Variants in CDH18 observed in about 807,000 individuals in gnomAD.
CDH18 encodes the protein cadherin 18.
In CDH18, 31 loss-of-function variants were observed where a neutral mutation model predicts 67.9. The ratio of observed to expected loss-of-function variants is 0.46; its 90% confidence interval spans 0.34 to 0.62. The LOEUF (loss-of-function observed/expected upper bound fraction) is 0.62. CDH18 is among the 20% of genes least tolerant of loss of function. The pLI is 0.01. For synonymous variants in CDH18, 362 were observed against 347.2 expected (o/e 1.04, Z -0.48); for missense variants, 890 against 975.5 (o/e 0.91, Z 1.17).
At chr5:19,920,703 G>A (rs1319204903) in intron 2 of CDH18, among the ~76,000 whole-genome samples, 1 of 151,348 alleles carries the variant, frequency 6.6e-6, no homozygotes, top group Non-Finnish European at 1.5e-5. Flanking sequence ...TAGTAGAGAC[G>A]GGGTTTCACC....
chr5:20,573,271 A>T (rs1758909825), intron 1 of CDH18, among the ~76,000 whole-genome samples: 1 of 152,186 alleles, frequency 6.6e-6, no homozygotes, highest in East Asian at 1.9e-4. Flanking sequence ...CAGAAAAAAA[A>T]CTTAGCATTG....
At chr5:19,907,557 A>AT in intron 2 of CDH18, among the ~76,000 whole-genome samples, 1 of 152,050 alleles carries the variant, frequency 6.6e-6, no homozygotes, top group South Asian at 2.1e-4. Flanking sequence ...GTCAGTATTC[A>AT]AACAGTTGAT....
At chr5:19,905,770 CAG>C (rs1476029317) in intron 2 of CDH18, among the ~76,000 whole-genome samples, 4 of 151,310 alleles carry the variant, frequency 2.6e-5, no homozygotes, top group African/African-American at 9.7e-5. Flanking sequence ...TTTTAAAAAT[CAG>C]AAAAAAAATC....
At position 19,960,561 on chromosome 5, in the gene CDH18, A is replaced by ATGTGTG. The variant is rs146985982; in HGVS notation, c.-257+20493_-257+20498dup. Reference sequence around the variant, plus strand: ...GTTTAATATACGTGTGTGTGTGTGTATGTGTGTGTGTGTGTGTGTGTGTGT... The same window carrying ATGTGTG: ...GTTTAATATACGTGTGTGTGTGTGTATGTGTGTGTGTGTGTGTGTGTGTGTGTGTGT... On this transcript the variant is annotated intron_variant, in intron 2 of 12. Transcript: ENST00000382275. Among the ~76,000 whole-genome samples the ATGTGTG allele has an allele frequency of 3.1e-3, 376 of 121,514 alleles. 5 individuals carry two copies. In the Middle Eastern group the frequency reaches 0.045, roughly 15 times the overall value. The allele number at this position is 121,514 out of a possible 152,430, so 79.7% of individuals were successfully genotyped here.
intron 2 of CDH18, among the ~76,000 whole-genome samples, chr5:20,172,242 A>ATATATATATATATATATGTG (rs1736889045): frequency 5.8e-4 from 33 of 56,694 alleles, no homozygotes; most frequent in Non-Finnish European, 8.7e-4. Flanking sequence ...ATATATATGT[A>ATATATATATATATATATGTG]TATATATATA....
chr5:20,174,709 T>G (rs970621806), intron 2 of CDH18, among the ~76,000 whole-genome samples: 1 of 152,120 alleles, frequency 6.6e-6, no homozygotes, highest in African/African-American at 2.4e-5. Context: ...AAAAATACAA[T>G]TTGTGTGTAA....
At chr5:20,434,440 G>T (rs940983514) in intron 1 of CDH18, among the ~76,000 whole-genome samples, 1 of 152,094 alleles carries the variant, frequency 6.6e-6, no homozygotes, top group East Asian at 1.9e-4. Context: ...ATAAGTAAAT[G>T]AAATTATGAC....
rs147693666 is a variant in CDH18, at chr5:19,711,487, C to T, written c.643+9860G>A. 4.9e-3 allele frequency among the ~76,000 whole-genome samples: 745 copies of T among 151,542 alleles called. 2 individuals carry two copies. Among genetic ancestry groups the T allele is most frequent in the Middle Eastern group, 0.017 (5 of 294 alleles). On this transcript the variant is annotated intron_variant, in intron 5 of 12. Transcript: ENST00000382275. ...CAGACATTTCTCAAAAGGAGGCATA[C>T]GAAGGGCTGCCAAGCATGTAAAAGA... is the stretch of plus-strand genomic sequence containing the variant.
At chr5:19,842,414 A>C (rs1489312143) in intron 2 of CDH18, among the ~76,000 whole-genome samples, 3 of 152,160 alleles carry the variant, frequency 2.0e-5, no homozygotes, top group Non-Finnish European at 4.4e-5. Context: ...TGACGGTTTT[A>C]TAAGGGGCTC....
At chr5:20,316,714 A>G (rs1477784543) in intron 1 of CDH18, among the ~76,000 whole-genome samples, 2 of 152,020 alleles carry the variant, frequency 1.3e-5, no homozygotes, top group Non-Finnish European at 2.9e-5. Context: ...TATGATAGTA[A>G]AGACAGTTAT....
chr5:20,214,929 T>A (rs1473610535), intron 2 of CDH18, among the ~76,000 whole-genome samples: 1 of 151,936 alleles, frequency 6.6e-6, no homozygotes, highest in African/African-American at 2.4e-5. Flanking sequence ...GAGAAAATAT[T>A]TGCAAACTAT....
At chr5:19,536,817 G>A (rs1749492495) in intron 9 of CDH18, among the ~76,000 whole-genome samples, 1 of 152,106 alleles carries the variant, frequency 6.6e-6, no homozygotes, top group Non-Finnish European at 1.5e-5. Flanking sequence ...CACACTTTGA[G>A]AGCTACTGGT....
chr5:19,593,440 G>A (rs1012037954), intron 6 of CDH18, among the ~76,000 whole-genome samples: 5 of 151,816 alleles, frequency 3.3e-5, no homozygotes, highest in African/African-American at 4.8e-5. Context: ...ATCTTTATAC[G>A]TACCTATTGT....
At chr5:20,103,003 T>G (rs933154838) in intron 2 of CDH18, among the ~76,000 whole-genome samples, 3 of 152,182 alleles carry the variant, frequency 2.0e-5, no homozygotes, top group African/African-American at 7.2e-5. Context: ...CTAAGAACTG[T>G]TTCAATGAGA....
At chr5:19,978,366 A>T (rs552680734) in intron 2 of CDH18, among the ~76,000 whole-genome samples, 79 of 152,238 alleles carry the variant, frequency 5.2e-4, no homozygotes, top group African/African-American at 1.6e-3. Context: ...CAATATAACA[A>T]TTCCAGACTG....
At chr5:20,471,252 G>A (rs140063903) in intron 1 of CDH18, among the ~76,000 whole-genome samples, 14 of 152,110 alleles carry the variant, frequency 9.2e-5, no homozygotes, top group Non-Finnish European at 1.9e-4. Context: ...TGCTTTCTCT[G>A]CTTGTTCATT....
intron 2 of CDH18, among the ~76,000 whole-genome samples, chr5:19,960,530 G>A (rs533429973): frequency 4.0e-5 from 6 of 149,062 alleles, no homozygotes; most frequent in Non-Finnish European, 7.4e-5. Context: ...GGACCTGCCT[G>A]AGGATGTTTA....
chr5:20,358,705 A>G (rs913728051), intron 1 of CDH18, among the ~76,000 whole-genome samples: 1 of 152,168 alleles, frequency 6.6e-6, no homozygotes, highest in Non-Finnish European at 1.5e-5. Flanking sequence ...AAATGCCCTG[A>G]GCATACTGTT....
intron 3 of CDH18, among the ~76,000 whole-genome samples, chr5:19,793,339 T>A (rs1776554068): frequency 6.6e-6 from 1 of 152,146 alleles, no homozygotes; most frequent in Non-Finnish European, 1.5e-5. Flanking sequence ...AGTATAACCA[T>A]TAAAGCAGTT....
Sources: gnomAD v4.1 joint callset for allele counts (sites outside exome capture counted in the v4.1 genomes callset) on GRCh38, gnomAD v4.1.1 for gene constraint, MANE v1.5 for transcripts, NCBI Gene and HGNC (gene_info 2026-07-23, HGNC 2026-07-21) for gene names.